NWD1: variants seen among roughly 807,000 people sequenced by gnomAD.
NWD1 encodes the protein NACHT domain- and WD repeat-containing protein 1.
NWD1 carries 129 observed loss-of-function variants against 135.1 expected under a neutral mutation model. That is an observed-to-expected ratio of 0.96 (90% confidence interval 0.83 to 1.11). NWD1 has a LOEUF of 1.11. Ranked by LOEUF, NWD1 falls within the 50% of genes least tolerant of loss-of-function variation. The pLI is 0.00. For missense variants in NWD1, 1,740 were observed against 1,851.3 expected (o/e 0.94, Z 1.10); for synonymous variants, 773 against 786.0 (o/e 0.98, Z 0.28).
At chr19:16,791,241 A>T in intron 13 of NWD1, 109 bp from the exon 14 acceptor site, 3 of 1,003,838 alleles carry the variant, frequency 3.0e-6, no homozygotes, top group African/African-American at 3.2e-5. Context: ...CTCCAAAAGA[A>T]AAGAAAATGC....
chr19:16,762,100 C>T lies in NWD1; in HGVS notation c.2095C>T (p.Leu699=). The T allele has an allele frequency of 1.2e-6, 2 of 1,614,096 alleles. No individual in the cohort carries two copies. The highest frequency in any genetic ancestry group is 1.7e-6 in the Non-Finnish European group (2 of 1,179,992). ...WSQGTKKLIT[L]PLVGKPLNLD... The stretch of plus-strand genomic sequence containing the variant: ...CCAGGGTACCAAGAAGCTCATCACT[C>T]TGCCACTTGTGGGGAAACCACTGAA... The change falls in exon 8 of 19, where the codon CTG becomes TTG. Residue 699 remains leucine (L), a synonymous_variant. Transcript: ENST00000524140.
At chr19:16,791,915 T>C (rs556965378) in intron 14 of NWD1, among the ~76,000 whole-genome samples, 1 of 152,218 alleles carries the variant, frequency 6.6e-6, no homozygotes, top group Non-Finnish European at 1.5e-5. Context: ...GGTTTCTCCA[T>C]GTTGGTCAGG....
At position 16,806,785 on chromosome 19, in the gene NWD1, C is replaced by T. The variant is rs989050370; in HGVS notation, c.3737-801C>T. On this transcript the variant is annotated intron_variant, in intron 17 of 18. Coordinates refer to ENST00000524140, the MANE Select transcript of NWD1 (RefSeq NM_001007525.5). ...ATCCCAGCATTTTGGGAGGCCGAGG[C>T]GGGCGGATCACTTGAGGTCAGGAGT... 7.9e-5 allele frequency among the ~76,000 whole-genome samples: 12 copies of T among 151,594 alleles called. No individual in the cohort carries two copies. The South Asian group carries it at 1.3e-3, about 16-fold the overall frequency.
chr19:16,797,314 G>T (rs952678556), intron 15 of NWD1, among the ~76,000 whole-genome samples: 2 of 150,504 alleles, frequency 1.3e-5, no homozygotes, highest in Non-Finnish European at 3.0e-5. Flanking sequence ...CCTAGCAGGG[G>T]TTCCAAAACA....
intron 12 of NWD1, among the ~76,000 whole-genome samples, chr19:16,788,125 G>C (rs574194289): frequency 1.4e-5 from 2 of 148,080 alleles, no homozygotes; most frequent in African/African-American, 4.9e-5. Context: ...AGCTACTCGA[G>C]AGGCTGAAAC....
chr19:16,797,952 G>A, intron 16 of NWD1, 66 bp downstream of exon 16: 1 of 1,482,936 alleles, frequency 6.7e-7, no homozygotes, highest in Non-Finnish European at 9.2e-7. Context: ...ATTCTTTAGG[G>A]ATTTTTGGCT....
In NWD1 at chr19:16,791,504, G is replaced by A. The variant is rs866682805; in HGVS notation, c.3095G>A (p.Gly1032Glu). 6 of 1,614,046 alleles carry A rather than the reference G, an allele frequency of 3.7e-6. No individual in the cohort carries two copies. In the African/African-American group the frequency reaches 6.7e-5, roughly 18 times the overall value. The part of the protein sequence containing the change: ...GVVSLWSSAT[G>E]KLQGKQHMSS... ...GTCAGTCTGTGGAGCTCAGCTACGGGAAAACTTCAGGGGAAGCAACATATG... is the reference window on the plus strand; with the variant it reads ...GTCAGTCTGTGGAGCTCAGCTACGGAAAAACTTCAGGGGAAGCAACATATG... The change falls in exon 14 of 19, where the codon GGA (glycine) becomes GAA (glutamate). Residue 1032 changes from glycine to glutamate, a missense_variant. Transcript: ENST00000524140.
rs906660488 is a variant in NWD1, at chr19:16,802,431, G to C, written c.3736+2269G>C. ...ACTGTGATTGCACCACTGCACTCCA[G>C]CCTAGGTGACAGAGCAAGACCCTAT... On this transcript the variant is annotated intron_variant, in intron 17 of 18. Transcript: ENST00000524140. 2.1e-5 allele frequency among the ~76,000 whole-genome samples: 3 copies of C among 141,514 alleles called. No homozygotes were observed. The Admixed American group carries it at 2.2e-4, about 11-fold the overall frequency. The allele number at this position is 141,514 out of a possible 152,430, so 92.8% of individuals were successfully genotyped here. A position where few individuals can be genotyped will look rare whatever the true frequency, so the allele number is the denominator to read the frequency against.
At chr19:16,799,241 C>T (rs943236388) in intron 16 of NWD1, among the ~76,000 whole-genome samples, 3 of 151,972 alleles carry the variant, frequency 2.0e-5, no homozygotes, top group African/African-American at 4.8e-5. Flanking sequence ...CTGTTGCCAG[C>T]CTGAAGTGCA....
intron 12 of NWD1, among the ~76,000 whole-genome samples, chr19:16,783,674 AAATAAAAT>A (rs1164328635): frequency 6.7e-6 from 1 of 149,676 alleles, no homozygotes; most frequent in Non-Finnish European, 1.5e-5. Flanking sequence ...AATAAAATAA[AAATAAAAT>A]AATAAAATAA....
intron 10 of NWD1, 26 bp from the exon 11 acceptor site, chr19:16,773,100 A>G (rs1209291048): frequency 6.2e-7 from 1 of 1,609,466 alleles, no homozygotes; most frequent in Non-Finnish European, 8.5e-7. Flanking sequence ...AATCCAGGCA[A>G]CTTAGTCTAC....
In NWD1 at chr19:16,816,930, G is replaced by A. The variant is rs968676090; in HGVS notation, c.*1891G>A. ...GTATGCTTGGATGTATTGGGCAGCAGCTTCTAAGGTGTTGAAGATTACTAA... is the reference window on the plus strand; with the variant it reads ...GTATGCTTGGATGTATTGGGCAGCAACTTCTAAGGTGTTGAAGATTACTAA... On this transcript the variant is annotated 3_prime_UTR_variant, in exon 19 of 19. Transcript: ENST00000524140. 2 of 152,190 alleles carry A rather than the reference G, an allele frequency of 1.3e-5. No individual in the cohort carries two copies. Among genetic ancestry groups the A allele is most frequent in the Non-Finnish European group, 2.9e-5 (2 of 68,032 alleles). 9.4% of individuals were successfully genotyped at this position (152,190 alleles called of 1,614,324 possible).
At chr19:16,758,216 G>A (rs766320802) in intron 6 of NWD1, among the ~76,000 whole-genome samples, 13 of 152,026 alleles carry the variant, frequency 8.6e-5, no homozygotes, top group Non-Finnish European at 1.5e-4. Flanking sequence ...CCAAGAAACC[G>A]CATTTTGAAT....
chr19:16,749,896 T>G lies in NWD1; in HGVS notation c.1254T>G (p.His418Gln), dbSNP rs370661839. Reference protein sequence around the residue: ...DAHTRVVQFFHTLLHTVSCRN... With the variant: ...DAHTRVVQFFQTLLHTVSCRN... ...ACACCAGGGTGGTCCAGTTTTTCCA[T>G]ACCCTCCTCCACACTGTCTCTTGCA... The change falls in exon 6 of 19, where the codon CAT (histidine) becomes CAG (glutamine). Residue 418 changes from histidine (H) to glutamine (Q), a missense_variant. Physicochemically the swap from His to Gln is conservative, Grantham distance 24. Transcript: ENST00000524140. 4 of 1,613,470 alleles carry G rather than the reference T, an allele frequency of 2.5e-6. No individual in the cohort carries two copies. The African/African-American group carries it at 5.3e-5, about 22-fold the overall frequency.
intron 3 of NWD1, among the ~76,000 whole-genome samples, chr19:16,733,689 G>A (rs1967673727): frequency 6.6e-6 from 1 of 152,146 alleles, no homozygotes; most frequent in Admixed American, 6.6e-5. Context: ...AAGGCACTAT[G>A]GAAGCATCAG....
chr19:16,773,247 T>G lies in NWD1; in HGVS notation c.2532T>G (p.Pro844=). 6.2e-7 allele frequency: 1 copy of G among 1,613,680 alleles called. No homozygotes were observed. Among genetic ancestry groups the G allele is most frequent in the Non-Finnish European group, 8.5e-7 (1 of 1,180,008 alleles). Residue 844 remains proline (P), a synonymous_variant, in exon 11 of 19, where the codon CCT becomes CCG. Coordinates refer to ENST00000524140, the MANE Select transcript of NWD1 (RefSeq NM_001007525.5). ...AQSWFQLCAH[P]VLVPLGGFLQ... ...GCTGGTTCCAGTTGTGCGCACACCC[T>G]GTGCTGGTGCCCCTCGGAGGATTCC...
intron 5 of NWD1, chr19:16,745,162 G>A (rs1968257007): frequency 2.3e-6 from 1 of 428,400 alleles, no homozygotes; most frequent in Non-Finnish European, 4.6e-6. Flanking sequence ...GACAGAGTGA[G>A]AGCCAAGCGA....
intron 3 of NWD1, among the ~76,000 whole-genome samples, chr19:16,733,096 C>T (rs1967645958): frequency 6.6e-6 from 1 of 152,044 alleles, no homozygotes; most frequent in African/African-American, 2.4e-5. Flanking sequence ...TGACGCCCAC[C>T]TGTAGTCCCA....
At chr19:16,795,415 CTTT>C (rs869281364) in intron 15 of NWD1, among the ~76,000 whole-genome samples, 15 of 136,320 alleles carry the variant, frequency 1.1e-4, no homozygotes, top group Admixed American at 2.2e-4. Context: ...TGCTAATTAC[CTTT>C]TTTTTTTTTT....
Sources: gnomAD v4.1 joint callset for allele counts (sites outside exome capture counted in the v4.1 genomes callset) on GRCh38, gnomAD v4.1.1 for gene constraint, MANE v1.5 for transcripts, NCBI Gene and HGNC (gene_info 2026-07-23, HGNC 2026-07-21) for gene names.